BMPR1B: variants seen among roughly 807,000 people sequenced by gnomAD.
BMPR1B encodes bone morphogenetic protein receptor type-1B.
Under a neutral mutation model 59.1 loss-of-function variants are expected in BMPR1B, and 12 were observed. The ratio of observed to expected loss-of-function variants is 0.20; its 90% CI spans 0.13 to 0.33. BMPR1B has a LOEUF of 0.33. BMPR1B is among the 10% of genes least tolerant of loss of function. The probability of loss-of-function intolerance (pLI) is 1.00; values close to 1 mark genes in which losing one functional copy is unlikely to be tolerated. For missense variants in BMPR1B, 550 were observed against 610.9 expected, an observed-to-expected ratio of 0.90 and a Z score of 1.05; for synonymous variants, 237 against 207.3, an observed-to-expected ratio of 1.14 and a Z score of -1.23.
intron 1 of BMPR1B, among the ~76,000 whole-genome samples, chr4:94,875,208 A>G (rs1726673274): frequency 1.3e-5 from 2 of 152,126 alleles, no homozygotes; most frequent in African/African-American, 4.8e-5. Context: ...TAGAACTTTG[A>G]GGTGCTATAG....
intron 3 of BMPR1B, among the ~76,000 whole-genome samples, chr4:95,014,269 A>G (rs998173870): frequency 1.3e-5 from 2 of 152,204 alleles, no homozygotes; most frequent in African/African-American, 4.8e-5. Context: ...TTGTTGATTC[A>G]GCAAATATTA....
rs1491108915 is a variant in BMPR1B, at chr4:95,155,475, C to CCTTTT, written c.*802_*803insCTTTT. 1 of 64,298 alleles carries CCTTTT rather than the reference C, an allele frequency of 1.6e-5. No individual in the cohort carries two copies. Among genetic ancestry groups the CCTTTT allele is most frequent in the African/African-American group, 6.7e-5 (1 of 14,816 alleles). 4.0% of individuals were successfully genotyped at this position (64,298 alleles called of 1,614,324 possible). A position where few individuals can be genotyped will look rare whatever the true frequency, so the allele number is the denominator to read the frequency against. On this transcript the variant is annotated 3_prime_UTR_variant, in exon 13 of 13. Coordinates refer to ENST00000515059, the MANE Select transcript of BMPR1B (RefSeq NM_001203.3). ...CCCTTTTCATTAAACACAAAGAAAGCTTTTTTTTTTTTTTTTTTTTTTTTT... is the reference window on the plus strand; with the variant it reads ...CCCTTTTCATTAAACACAAAGAAAGCCTTTTTTTTTTTTTTTTTTTTTTTTTTTTT...
intron 3 of BMPR1B, among the ~76,000 whole-genome samples, chr4:95,036,971 C>G (rs567252751): frequency 3.3e-5 from 5 of 152,046 alleles, no homozygotes; most frequent in African/African-American, 9.7e-5. Context: ...TGTTGCCTTT[C>G]GAAAATCAAT....
At chr4:94,986,780 G>A (rs1442138271) in intron 2 of BMPR1B, among the ~76,000 whole-genome samples, 1 of 151,804 alleles carries the variant, frequency 6.6e-6, no homozygotes, top group African/African-American at 2.4e-5. Context: ...AGTGGCTCAC[G>A]CCTGTAACCC....
At chr4:94,927,946 G>A (rs1277675201) in intron 2 of BMPR1B, among the ~76,000 whole-genome samples, 1 of 152,072 alleles carries the variant, frequency 6.6e-6, no homozygotes, top group Non-Finnish European at 1.5e-5. Context: ...TGGATATGGA[G>A]GATGATAACA....
intron 1 of BMPR1B, among the ~76,000 whole-genome samples, chr4:94,799,737 C>CTGGAGTGCAGTG (rs1723334828): frequency 6.6e-6 from 1 of 151,834 alleles, no homozygotes; most frequent in Non-Finnish European, 1.5e-5. Context: ...GTCACCCAGG[C>CTGGAGTGCAGTG]TGGAGTGCAG....
At chr4:94,902,315 TG>T (rs1727865014) in intron 2 of BMPR1B, among the ~76,000 whole-genome samples, 1 of 128,178 alleles carries the variant, frequency 7.8e-6, no homozygotes, top group Non-Finnish European at 1.7e-5. Context: ...AAAAACAAAC[TG>T]GAAATAATTC....
At chr4:94,776,719 C>G (rs892438747) in intron 1 of BMPR1B, among the ~76,000 whole-genome samples, 1 of 152,152 alleles carries the variant, frequency 6.6e-6, no homozygotes, top group Non-Finnish European at 1.5e-5. Context: ...ACCCCAGAGT[C>G]AGAATCCATC....
Position 95,148,756 on chromosome 4 carries a change from A to C in BMPR1B, c.1085A>C (p.Asn362Thr). 6.2e-7 allele frequency: 1 copy of C among 1,613,956 alleles called. No individual in the cohort carries two copies. ...CTTTACTTTTTCCTTAGTGATACAA[A>C]TGAAGTTGACATACCACCTAACACT... ...GLAVKFISDT[N>T]EVDIPPNTRV... Residue 362 changes from asparagine (N) to threonine (T), a missense_variant, in exon 11 of 13, where the codon AAT (asparagine) becomes ACT (threonine). Around this residue, in one of 6 missense-constraint regions of BMPR1B, gnomAD observed 318 missense variants for 284.6 expected, o/e 1.12. Coordinates refer to ENST00000515059, the MANE Select transcript of BMPR1B (RefSeq NM_001203.3).
At position 94,758,036 on chromosome 4, in the gene BMPR1B, C is replaced by G. The variant is rs1290580110; in HGVS notation, c.-215C>G. ...GCCGGGCAGTGCGGAGACCGCGGCGCTGAGGACGCGGGAGCCGGGAGCGCA... is the reference window on the plus strand; with the variant it reads ...GCCGGGCAGTGCGGAGACCGCGGCGGTGAGGACGCGGGAGCCGGGAGCGCA... On this transcript the variant is annotated 5_prime_UTR_variant, in exon 1 of 13. Coordinates refer to ENST00000515059, the MANE Select transcript of BMPR1B (RefSeq NM_001203.3). 2.0e-5 allele frequency: 3 copies of G among 147,088 alleles called. No homozygotes were observed. The highest frequency in any genetic ancestry group is 7.4e-5 in the African/African-American group (3 of 40,448). The allele number at this position is 147,088 out of a possible 1,614,324, so 9.1% of individuals were successfully genotyped here.
chr4:94,793,244 A>G, intron 1 of BMPR1B, among the ~76,000 whole-genome samples: 1 of 148,048 alleles, frequency 6.8e-6, no homozygotes, highest in Non-Finnish European at 1.5e-5. Context: ...TTCAATTCCC[A>G]CCTATGAGTG....
intron 2 of BMPR1B, among the ~76,000 whole-genome samples, chr4:94,941,168 G>A (rs947856175): frequency 5.3e-5 from 8 of 152,134 alleles, no homozygotes; most frequent in Non-Finnish European, 1.2e-4. Context: ...AGTGGCTCAC[G>A]CCTGTAATCC....
At chr4:94,836,331 C>T (rs1476391398) in intron 1 of BMPR1B, among the ~76,000 whole-genome samples, 1 of 150,342 alleles carries the variant, frequency 6.7e-6, no homozygotes, top group African/African-American at 2.5e-5. Context: ...GAGGAATCGC[C>T]ACACTGACTT....
chr4:95,138,626 A>G (rs1206000195), intron 10 of BMPR1B, among the ~76,000 whole-genome samples: 1 of 151,938 alleles, frequency 6.6e-6, no homozygotes, highest in Non-Finnish European at 1.5e-5. Context: ...TTTTTTCTCT[A>G]CACTTCTCTT....
intron 1 of BMPR1B, among the ~76,000 whole-genome samples, chr4:94,758,443 G>A (rs1386826643): frequency 6.6e-6 from 1 of 152,002 alleles, no homozygotes; most frequent in Non-Finnish European, 1.5e-5. Flanking sequence ...CCAAGGCAGG[G>A]AGTCGGACCT....
At chr4:94,922,966 A>T (rs1218868069) in intron 2 of BMPR1B, among the ~76,000 whole-genome samples, 2 of 152,124 alleles carry the variant, frequency 1.3e-5, no homozygotes, top group Non-Finnish European at 2.9e-5. Context: ...GCCAAATTGG[A>T]TAGAGTGCTC....
intron 1 of BMPR1B, among the ~76,000 whole-genome samples, chr4:94,770,180 G>GTTTTTTTTTT (rs1553903537): frequency 9.4e-5 from 10 of 106,274 alleles, no homozygotes; most frequent in African/African-American, 4.1e-4. Flanking sequence ...CTTCGTTTCT[G>GTTTTTTTTTT]TGTTTGTTTT....
intron 2 of BMPR1B, among the ~76,000 whole-genome samples, chr4:94,908,328 T>G (rs1368906137): frequency 1.3e-5 from 2 of 149,128 alleles, no homozygotes; most frequent in Admixed American, 6.6e-5. Flanking sequence ...CATTTGAAAT[T>G]GTTTTTTTTT....
At chr4:95,045,231 T>C (rs1725953806) in intron 3 of BMPR1B, among the ~76,000 whole-genome samples, 1 of 152,224 alleles carries the variant, frequency 6.6e-6, no homozygotes, top group Non-Finnish European at 1.5e-5. Flanking sequence ...TTATTATGTT[T>C]TCTTAGATAC....
Sources: gnomAD v4.1 joint callset for allele counts (sites outside exome capture counted in the v4.1 genomes callset) on GRCh38, gnomAD v4.1.1 for gene constraint, gnomAD v4.1.1 regional missense constraint, MANE v1.5 for transcripts, NCBI Gene and HGNC (gene_info 2026-07-23, HGNC 2026-07-21) for gene names.